Variants in PRKAR1B observed in about 807,000 individuals in gnomAD.
The protein encoded by PRKAR1B is protein kinase cAMP-dependent type I regulatory subunit beta, also known as cAMP-dependent protein kinase type I-beta regulatory subunit.
PRKAR1B carries 22 observed loss-of-function variants against 46.5 expected under a neutral mutation model. That is an observed-to-expected ratio of 0.47 (90% CI 0.34 to 0.68). The LOEUF is 0.68. PRKAR1B is among the 30% of genes least tolerant of loss of function. PRKAR1B has a pLI of 0.01. For synonymous variants in PRKAR1B, 259 were observed against 217.7 expected, an observed-to-expected ratio of 1.19 and a Z score of -1.67; for missense variants, 445 against 535.6, an observed-to-expected ratio of 0.83 and a Z score of 1.67.
chr7:567,697 G>T (rs575963396), intron 9 of PRKAR1B, among the ~76,000 whole-genome samples: 2 of 152,208 alleles, frequency 1.3e-5, no homozygotes, highest in East Asian at 3.9e-4. Context: ...GCCTTGAAAA[G>T]GAAGGACATT....
At chr7:598,626 C>T (rs1781414491) in intron 6 of PRKAR1B, among the ~76,000 whole-genome samples, 1 of 152,006 alleles carries the variant, frequency 6.6e-6, no homozygotes. Context: ...ACCCTCCCTC[C>T]AGCACCCTCC....
chr7:583,295 A>G (rs1040901700), intron 8 of PRKAR1B, among the ~76,000 whole-genome samples: 3 of 152,254 alleles, frequency 2.0e-5, no homozygotes, highest in Admixed American at 6.5e-5. Flanking sequence ...ACAGGGGTCA[A>G]AGTCCTCCCC....
At chr7:616,635 C>T (rs1782837466) in intron 4 of PRKAR1B, among the ~76,000 whole-genome samples, 1 of 152,246 alleles carries the variant, frequency 6.6e-6, no homozygotes, top group Non-Finnish European at 1.5e-5. Flanking sequence ...CCCAGTGCCA[C>T]GCACCGCTTT....
At chr7:577,911 G>A (rs1468753405) in intron 9 of PRKAR1B, among the ~76,000 whole-genome samples, 1 of 152,216 alleles carries the variant, frequency 6.6e-6, no homozygotes, top group Non-Finnish European at 1.5e-5. Flanking sequence ...GCAGCTCAGG[G>A]CGCTTTTGCA....
At chr7:555,122 T>G (rs1778347251) in intron 9 of PRKAR1B, among the ~76,000 whole-genome samples, 1 of 151,858 alleles carries the variant, frequency 6.6e-6, no homozygotes, top group South Asian at 2.1e-4. Context: ...CCTGGAAACA[T>G]CCCCTCACTC....
chr7:726,240 C>T (rs910794162), intron 1 of PRKAR1B, among the ~76,000 whole-genome samples: 5 of 152,250 alleles, frequency 3.3e-5, no homozygotes, highest in Non-Finnish European at 5.9e-5. Context: ...CCAGACCAGG[C>T]ACCTGTCTTA....
chr7:726,646 C>T lies in PRKAR1B; in HGVS notation c.-23+564G>A, dbSNP rs1583467189. ...CCCGGCGCCCCGCCCGCAGCGCGGA[C>T]CGGAAGTGCTGCCGTAATCTGCGCT... On this transcript the variant is annotated intron_variant, in intron 1 of 10. Transcript: ENST00000537384. The T allele has an allele frequency of 1.3e-5, 15 of 1,116,622 alleles. No individual in the cohort carries two copies. In the East Asian group the frequency reaches 4.9e-4, roughly 36 times the overall value. The allele number at this position is 1,116,622 out of a possible 1,614,324, so 69.2% of individuals were successfully genotyped here.
chr7:583,435 C>G (rs1387809636), intron 8 of PRKAR1B, among the ~76,000 whole-genome samples: 1 of 144,378 alleles, frequency 6.9e-6, no homozygotes, highest in Admixed American at 6.8e-5. Flanking sequence ...CGCACACACC[C>G]ACAGTGCACA....
At chr7:571,150 AAGTAAGCAGCACCACG>A (rs1399253986) in intron 9 of PRKAR1B, among the ~76,000 whole-genome samples, 1 of 152,130 alleles carries the variant, frequency 6.6e-6, no homozygotes, top group African/African-American at 2.4e-5. Context: ...GGGCCACCAC[AAGTAAGCAGCACCACG>A]AGTAAGCAGC....
intron 9 of PRKAR1B, 68 bp downstream of exon 9, chr7:579,188 A>C: frequency 6.2e-7 from 1 of 1,610,928 alleles, no homozygotes; most frequent in Non-Finnish European, 8.5e-7. Flanking sequence ...GCAGTGGAAG[A>C]GGAGAAGGTA....
intron 1 of PRKAR1B, among the ~76,000 whole-genome samples, chr7:721,986 T>C (rs1018137756): frequency 5.3e-5 from 8 of 152,184 alleles, no homozygotes; most frequent in African/African-American, 1.7e-4. Context: ...AGGAGTTTAA[T>C]TGTGATGTGT....
intron 4 of PRKAR1B, among the ~76,000 whole-genome samples, chr7:663,924 G>A (rs1177785534): frequency 2.0e-5 from 3 of 152,196 alleles, no homozygotes; most frequent in African/African-American, 7.2e-5. Context: ...GGTCTCAGGA[G>A]GGCTGATCTT....
chr7:573,930 G>T (rs550235657), intron 9 of PRKAR1B, among the ~76,000 whole-genome samples: 35 of 152,324 alleles, frequency 2.3e-4, no homozygotes, highest in African/African-American at 8.4e-4. Flanking sequence ...CCCCCGCCGG[G>T]GTGCGGTTGG....
At chr7:626,948 C>A (rs1334343793) in intron 4 of PRKAR1B, among the ~76,000 whole-genome samples, 2 of 152,132 alleles carry the variant, frequency 1.3e-5, no homozygotes, top group Non-Finnish European at 2.9e-5. Flanking sequence ...GATCTCGGCT[C>A]ACTGCAAGCT....
intron 9 of PRKAR1B, among the ~76,000 whole-genome samples, chr7:555,928 C>T (rs960911348): frequency 3.3e-5 from 5 of 152,208 alleles, no homozygotes; most frequent in African/African-American, 1.2e-4. Flanking sequence ...AGGCCCCCCA[C>T]CTCAATGCAT....
At chr7:562,841 G>A (rs1778887301) in intron 9 of PRKAR1B, among the ~76,000 whole-genome samples, 1 of 151,894 alleles carries the variant, frequency 6.6e-6, no homozygotes, top group South Asian at 2.1e-4. Flanking sequence ...GCTGACCCCC[G>A]GCCAGGATGT....
chr7:564,292 G>C (rs1375016573), intron 9 of PRKAR1B, among the ~76,000 whole-genome samples: 1 of 152,204 alleles, frequency 6.6e-6, no homozygotes, highest in Admixed American at 6.5e-5. Context: ...CCCAGCGTCA[G>C]CCCATCCAGC....
At chr7:609,556 G>A (rs969498678) in intron 4 of PRKAR1B, among the ~76,000 whole-genome samples, 1 of 152,166 alleles carries the variant, frequency 6.6e-6, no homozygotes, top group Non-Finnish European at 1.5e-5. Context: ...ATGGGCATCC[G>A]TGACCACACG....
intron 5 of PRKAR1B, among the ~76,000 whole-genome samples, chr7:606,692 C>G (rs1028940797): frequency 1.3e-5 from 2 of 152,112 alleles, no homozygotes; most frequent in African/African-American, 4.8e-5. Flanking sequence ...AGGTGATCCA[C>G]CCGCCTCGGC....
Sources: allele counts gnomAD v4.1 joint callset (sites outside exome capture counted in the v4.1 genomes callset), GRCh38; gene constraint gnomAD v4.1.1; transcripts MANE v1.5; gene names NCBI Gene and HGNC (gene_info 2026-07-23, HGNC 2026-07-21).